The following GABRB2 variants were observed in gnomAD, a reference collection of about 807,000 sequenced individuals.
The protein encoded by GABRB2 is gamma-aminobutyric acid receptor subunit beta-2.
In GABRB2, 16 loss-of-function variants were observed where a neutral mutation model predicts 54.7. That is an observed-to-expected ratio of 0.29 (90% CI 0.20 to 0.44). The LOEUF (loss-of-function observed/expected upper bound fraction) is 0.44, where lower values mean the gene tolerates loss of function less well. Among genes scored for constraint, GABRB2 ranks in the 20% least tolerant of loss-of-function variants. The pLI, the probability that GABRB2 is intolerant of heterozygous loss-of-function variation, is 1.00. For synonymous variants in GABRB2, 244 were observed against 233.8 expected, an observed-to-expected ratio of 1.04 and a Z score of -0.40; for missense variants, 355 against 644.0, an observed-to-expected ratio of 0.55 and a Z score of 4.86.
chr5:161,402,086 T>A (rs1403788315), intron 5 of GABRB2, among the ~76,000 whole-genome samples: 1 of 151,582 alleles, frequency 6.6e-6, no homozygotes, highest in East Asian at 1.9e-4. Flanking sequence ...TTTGTTTATA[T>A]ACAAATATAT....
At chr5:161,456,314 C>T (rs1757954538) in intron 4 of GABRB2, among the ~76,000 whole-genome samples, 1 of 152,204 alleles carries the variant, frequency 6.6e-6, no homozygotes, top group Admixed American at 6.5e-5. Context: ...CCCTACTAAA[C>T]TGGAACCAGT....
At chr5:161,310,499 T>C (rs2087002961) in intron 9 of GABRB2, among the ~76,000 whole-genome samples, 1 of 152,208 alleles carries the variant, frequency 6.6e-6, no homozygotes, top group African/African-American at 2.4e-5. Context: ...TCTCTCTCTC[T>C]TTCTTCCCAT....
chr5:161,326,212 A>G (rs1251824521), intron 9 of GABRB2, among the ~76,000 whole-genome samples, 156 bp downstream of exon 9: 1 of 152,178 alleles, frequency 6.6e-6, no homozygotes, highest in Non-Finnish European at 1.5e-5. Flanking sequence ...AAGTCCCACT[A>G]AGGTCTCCTG....
At chr5:161,397,033 CTCATCTTACATTGAAGATATT>C (rs1561635922) in intron 5 of GABRB2, among the ~76,000 whole-genome samples, 1 of 152,138 alleles carries the variant, frequency 6.6e-6, no homozygotes, top group Non-Finnish European at 1.5e-5. Context: ...GTAGCTATTG[CTCATCTTACATTGAAGATATT>C]TCTTCAAAAC....
chr5:161,411,651 TC>T (rs1756519780), intron 4 of GABRB2, among the ~76,000 whole-genome samples: 1 of 152,140 alleles, frequency 6.6e-6, no homozygotes, highest in South Asian at 2.1e-4. Context: ...GACAATATAC[TC>T]CTATGGGATG....
At chr5:161,487,728 C>A (rs999783009) in intron 3 of GABRB2, among the ~76,000 whole-genome samples, 1 of 151,810 alleles carries the variant, frequency 6.6e-6, no homozygotes, top group African/African-American at 2.4e-5. Context: ...GAAGACTAAA[C>A]AAAATAACAT....
intron 5 of GABRB2, among the ~76,000 whole-genome samples, chr5:161,406,494 A>G (rs1039220826): frequency 1.4e-4 from 22 of 152,168 alleles, no homozygotes; most frequent in African/African-American, 5.3e-4. Flanking sequence ...GACTTTTAAA[A>G]TATAACCACC....
At chr5:161,504,770 A>G (rs979179881) in intron 3 of GABRB2, among the ~76,000 whole-genome samples, 1 of 151,704 alleles carries the variant, frequency 6.6e-6, no homozygotes, top group African/African-American at 2.4e-5. Flanking sequence ...AAAAAAAGGT[A>G]TATCACCACA....
At chr5:161,548,380 G>A (rs1044408730), upstream of GABRB2, among the ~76,000 whole-genome samples, 1 of 152,230 alleles carries the variant, frequency 6.6e-6, no homozygotes, top group Non-Finnish European at 1.5e-5. Flanking sequence ...GGCTCTCCGG[G>A]TACTCCTGAG....
At chr5:161,506,716 T>A (rs1331072966) in intron 3 of GABRB2, among the ~76,000 whole-genome samples, 1 of 152,074 alleles carries the variant, frequency 6.6e-6, no homozygotes, top group Non-Finnish European at 1.5e-5. Flanking sequence ...ATGACAGTAA[T>A]CAAGGTAGTG....
chr5:161,536,833 G>A (rs2113467446), intron 3 of GABRB2, among the ~76,000 whole-genome samples: 1 of 152,084 alleles, frequency 6.6e-6, no homozygotes, highest in East Asian at 1.9e-4. Flanking sequence ...CCTGACCTCA[G>A]GTGATTCACC....
intron 4 of GABRB2, among the ~76,000 whole-genome samples, chr5:161,447,414 C>A (rs1416330170): frequency 6.6e-6 from 1 of 152,138 alleles, no homozygotes; most frequent in South Asian, 2.1e-4. Flanking sequence ...CAGCCTGTTA[C>A]AGCTGCTAAA....
chr5:161,527,639 T>C (rs13176506), intron 3 of GABRB2, among the ~76,000 whole-genome samples: 2 of 151,342 alleles, frequency 1.3e-5, no homozygotes, highest in African/African-American at 2.4e-5. Context: ...AAAAATGAAT[T>C]GTCCAATAGA....
At chr5:161,466,265 A>G (rs1758273333) in intron 3 of GABRB2, among the ~76,000 whole-genome samples, 1 of 152,070 alleles carries the variant, frequency 6.6e-6, no homozygotes, top group South Asian at 2.1e-4. Flanking sequence ...TGGTCATCTT[A>G]ATCTTGAATC....
At chr5:161,538,306 T>A (rs773397948) in intron 3 of GABRB2, among the ~76,000 whole-genome samples, 3 of 152,210 alleles carry the variant, frequency 2.0e-5, no homozygotes, top group Non-Finnish European at 2.9e-5. Context: ...CTTGTCGTGA[T>A]GTAATTTATA....
chr5:161,477,769 A>C (rs1758639601), intron 3 of GABRB2, among the ~76,000 whole-genome samples: 1 of 151,932 alleles, frequency 6.6e-6, no homozygotes, highest in Non-Finnish European at 1.5e-5. Flanking sequence ...AAGTTCATAG[A>C]GACATAAAGT....
chr5:161,311,849 G>A (rs1374502212), intron 9 of GABRB2, among the ~76,000 whole-genome samples: 25 of 152,070 alleles, frequency 1.6e-4, no homozygotes, highest in Admixed American at 1.6e-3. Context: ...AAGAAGCACG[G>A]GGCTAGATAA....
At chr5:161,513,791 G>A (rs1759852650) in intron 3 of GABRB2, among the ~76,000 whole-genome samples, 2 of 151,744 alleles carry the variant, frequency 1.3e-5, no homozygotes, top group Non-Finnish European at 2.9e-5. Context: ...AATAAAAGTT[G>A]AAATTATTTT....
At chr5:161,499,340 A>G (rs1166511207) in intron 3 of GABRB2, among the ~76,000 whole-genome samples, 2 of 152,130 alleles carry the variant, frequency 1.3e-5, no homozygotes, top group Non-Finnish European at 2.9e-5. Context: ...GGAACAGCAA[A>G]CTGGGAGTCA....
Sources: gnomAD v4.1 joint callset for allele counts (sites outside exome capture counted in the v4.1 genomes callset) on GRCh38, gnomAD v4.1.1 for gene constraint, MANE v1.5 for transcripts, NCBI Gene and HGNC (gene_info 2026-07-23, HGNC 2026-07-21) for gene names.